GRM1: variants seen among roughly 807,000 people sequenced by gnomAD.
The protein encoded by GRM1 is metabotropic glutamate receptor 1.
Under a neutral mutation model 90.9 loss-of-function variants are expected in GRM1, and 33 were observed. That is an observed-to-expected ratio of 0.36 (90% confidence interval 0.28 to 0.49). The LOEUF (loss-of-function observed/expected upper bound fraction) is 0.49, where lower values mean the gene tolerates loss of function less well. Among genes scored for constraint, GRM1 ranks in the 20% least tolerant of loss-of-function variants. The pLI, the probability that GRM1 is intolerant of heterozygous loss-of-function variation, is 0.99. For synonymous variants in GRM1, 700 were observed against 613.2 expected (o/e 1.14, Z -2.09); for missense variants, 1,190 against 1,534.3 (o/e 0.78, Z 3.75).
In GRM1 at chr6:146,435,146, G is replaced by GAT. The variant is rs1458149598; in HGVS notation, c.*359_*360dup. The GAT allele has an allele frequency of 5.8e-5, 23 of 399,454 alleles. No homozygotes were observed. Among genetic ancestry groups the GAT allele is most frequent in the Admixed American group, 4.8e-4 (13 of 27,316 alleles). The allele number at this position is 399,454 out of a possible 1,614,324, so 24.7% of individuals were successfully genotyped here. A position where few individuals can be genotyped will look rare whatever the true frequency, so the allele number is the denominator to read the frequency against. On this transcript the variant is annotated 3_prime_UTR_variant, in exon 8 of 8. Coordinates refer to ENST00000282753, the MANE Select transcript of GRM1 (RefSeq NM_001278064.2). The stretch of plus-strand genomic sequence containing the variant: ...GTCCTCTTTTGCACAATTGTGCATA[G>GAT]ATATATATATGCCCACACACACTGG...
In GRM1 at chr6:146,029,773, T is replaced by A; in HGVS notation, c.256T>A (p.Leu86Met). Residue 86 changes from leucine to methionine, a missense_variant, in exon 1 of 8, where the codon TTG (leucine) becomes ATG (methionine). Physicochemically the swap from Leu to Met is conservative, Grantham distance 15 (BLOSUM62 2). Coordinates refer to ENST00000282753, the MANE Select transcript of GRM1 (RefSeq NM_001278064.2). ...IQRVEAMFHTLDKINADPVLL... is the reference protein window; with the variant it reads ...IQRVEAMFHTMDKINADPVLL... ...GAGGGTGGAGGCCATGTTCCACACG[T>A]TGGATAAGATCAACGCGGACCCGGT... 6.2e-7 allele frequency: 1 copy of A among 1,614,010 alleles called. No homozygotes were observed. Among genetic ancestry groups the A allele is most frequent in the East Asian group, 2.2e-5 (1 of 44,852 alleles).
intron 7 of GRM1, among the ~76,000 whole-genome samples, chr6:146,416,848 A>T (rs991014009): frequency 6.6e-6 from 1 of 152,168 alleles, no homozygotes; most frequent in South Asian, 2.1e-4. Context: ...TGAGACTTCC[A>T]GAAACTTTAC....
intron 1 of GRM1, among the ~76,000 whole-genome samples, chr6:146,111,654 T>C (rs764644825): frequency 1.3e-5 from 2 of 152,136 alleles, no homozygotes; most frequent in Non-Finnish European, 2.9e-5. Context: ...ACTTAAGGCT[T>C]GAGATAGCCT....
intron 1 of GRM1, among the ~76,000 whole-genome samples, chr6:146,090,854 T>G (rs1562457247): frequency 2.0e-5 from 3 of 152,084 alleles, no homozygotes; most frequent in Admixed American, 6.6e-5. Context: ...TACTGAGAAT[T>G]TCCAATCCCT....
At chr6:146,320,895 T>G (rs1186589234) in intron 3 of GRM1, among the ~76,000 whole-genome samples, 2 of 152,170 alleles carry the variant, frequency 1.3e-5, no homozygotes, top group African/African-American at 4.8e-5. Context: ...GTCTATCTAT[T>G]TGGTTAATCT....
intron 5 of GRM1, among the ~76,000 whole-genome samples, chr6:146,362,921 T>G (rs1775544382): frequency 2.0e-5 from 3 of 152,072 alleles, no homozygotes; most frequent in Admixed American, 2.0e-4. Flanking sequence ...CATTACGACC[T>G]AAGATACGCT....
chr6:146,251,575 G>A (rs1583223570), intron 2 of GRM1, among the ~76,000 whole-genome samples: 1 of 152,210 alleles, frequency 6.6e-6, no homozygotes, highest in Non-Finnish European at 1.5e-5. Flanking sequence ...TAGGCCAAAA[G>A]CAGCAGATGC....
intron 6 of GRM1, among the ~76,000 whole-genome samples, chr6:146,389,389 A>G (rs1182593589): frequency 6.7e-6 from 1 of 149,334 alleles, no homozygotes; most frequent in African/African-American, 2.5e-5. Context: ...AAAAATTTCT[A>G]TCCTATTTTA....
Position 146,144,126 on chromosome 6 carries a change from G to A in GRM1, c.701-15222G>A, listed in dbSNP as rs534929610. ...AAGTTTCCAGCAAATTTGGTGTCTG[G>A]TGAGAGCTCTCTTCCTGGCTTGCAG... On this transcript the variant is annotated intron_variant, in intron 1 of 7. Transcript: ENST00000282753. Among the ~76,000 whole-genome samples, 83 of 152,232 alleles carry A rather than the reference G, an allele frequency of 5.5e-4. 1 individual carries two copies. Among genetic ancestry groups the A allele is most frequent in the African/African-American group, 1.9e-3 (78 of 41,542 alleles).
In GRM1 at chr6:146,246,810, A is replaced by G. The variant is rs182919658; in HGVS notation, c.951-57801A>G. On this transcript the variant is annotated intron_variant, in intron 2 of 7. Transcript: ENST00000282753. ...GAGACTCTTTTGGTTCCAAGTTATA[A>G]AAGTTTTTGAGCTAACAGGTGAAAA... is the stretch of plus-strand genomic sequence containing the variant. Among the ~76,000 whole-genome samples the G allele has an allele frequency of 2.5e-3, 379 of 152,332 alleles. 3 individuals are homozygous for G. The highest frequency in any genetic ancestry group is 8.3e-3 in the African/African-American group (347 of 41,578).
intron 2 of GRM1, among the ~76,000 whole-genome samples, chr6:146,262,976 G>A (rs1417483021): frequency 6.6e-6 from 1 of 151,828 alleles, no homozygotes; most frequent in Non-Finnish European, 1.5e-5. Context: ...TCTCATGTTG[G>A]TAACTGTGAG....
chr6:146,149,284 G>A (rs955549898), intron 1 of GRM1, among the ~76,000 whole-genome samples: 2 of 152,194 alleles, frequency 1.3e-5, no homozygotes, highest in African/African-American at 4.8e-5. Context: ...AAGTGTGGCA[G>A]AAAGTCATGG....
intron 5 of GRM1, 69 bp downstream of exon 5, chr6:146,357,763 A>C: frequency 8.3e-7 from 1 of 1,198,358 alleles, no homozygotes; most frequent in Admixed American, 1.8e-5. Context: ...AGTAAAGAAC[A>C]ACACAGACAA....
intron 1 of GRM1, among the ~76,000 whole-genome samples, chr6:146,065,168 C>T (rs1270889616): frequency 6.6e-6 from 1 of 152,022 alleles, no homozygotes; most frequent in Non-Finnish European, 1.5e-5. Flanking sequence ...TAATGTGTAC[C>T]CTGTAAAAAA....
At chr6:146,328,514 G>C (rs1257352903) in intron 3 of GRM1, among the ~76,000 whole-genome samples, 1 of 152,076 alleles carries the variant, frequency 6.6e-6, no homozygotes, top group African/African-American at 2.4e-5. Flanking sequence ...AAATAACAAA[G>C]TGAAATAAAT....
chr6:146,116,559 A>G (rs2128875630), intron 1 of GRM1, among the ~76,000 whole-genome samples: 1 of 152,274 alleles, frequency 6.6e-6, no homozygotes, highest in African/African-American at 2.4e-5. Context: ...TAAAATCCAC[A>G]GTGAATTGAG....
Position 146,035,954 on chromosome 6 carries a change from A to C in GRM1, c.700+5737A>C, listed in dbSNP as rs148080793. ...CTCTTTGTGATTCCTTTGCCACACAATCACCCTGTGACTACGTTTATCTTG... is the reference window on the plus strand; with the variant it reads ...CTCTTTGTGATTCCTTTGCCACACACTCACCCTGTGACTACGTTTATCTTG... On this transcript the variant is annotated intron_variant, in intron 1 of 7. Transcript: ENST00000282753. Among the ~76,000 whole-genome samples the C allele has an allele frequency of 1.6e-3, 245 of 152,086 alleles. 1 individual carries two copies. The highest frequency in any genetic ancestry group is 5.7e-3 in the African/African-American group (235 of 41,526).
chr6:146,139,091 A>C (rs1776739007), intron 1 of GRM1, among the ~76,000 whole-genome samples: 1 of 152,090 alleles, frequency 6.6e-6, no homozygotes, highest in African/African-American at 2.4e-5. Context: ...CCCACCGGTC[A>C]TTCAGGAGCA....
chr6:146,414,571 T>A (rs1306568713), intron 7 of GRM1, among the ~76,000 whole-genome samples: 2 of 151,680 alleles, frequency 1.3e-5, no homozygotes, highest in Admixed American at 1.3e-4. Context: ...CCTGGCTAAT[T>A]TTTTGTATTT....
Sources: allele counts gnomAD v4.1 joint callset (sites outside exome capture counted in the v4.1 genomes callset), GRCh38; gene constraint gnomAD v4.1.1; transcripts MANE v1.5; gene names NCBI Gene and HGNC (gene_info 2026-07-23, HGNC 2026-07-21).